USP40: variants seen among roughly 807,000 people sequenced by gnomAD.
The protein encoded by USP40 is ubiquitin carboxyl-terminal hydrolase 40.
Under a neutral mutation model 166.2 loss-of-function variants are expected in USP40, and 143 were observed. The ratio of observed to expected loss-of-function variants is 0.86; its 90% CI spans 0.75 to 0.99. USP40 has a LOEUF of 0.99. Among genes scored for constraint, USP40 ranks in the 50% least tolerant of loss-of-function variants. The pLI is 0.00. For missense variants in USP40, 1,444 were observed against 1,479.7 expected (o/e 0.98, Z 0.40); for synonymous variants, 498 against 524.0 (o/e 0.95, Z 0.68).
Position 233,486,343 on chromosome 2 carries a change from G to A in USP40, c.3198-366C>T, listed in dbSNP as rs1303564226. Among the ~76,000 whole-genome samples, 1 of 152,156 alleles carries A rather than the reference G, an allele frequency of 6.6e-6. No individual in the cohort carries two copies. Among genetic ancestry groups the A allele is most frequent in the Non-Finnish European group, 1.5e-5 (1 of 68,030 alleles). On this transcript the variant is annotated intron_variant, in intron 28 of 31. Coordinates refer to ENST00000678225, the MANE Select transcript of USP40 (RefSeq NM_001365479.2). The surrounding 1 kb of genome is among the most constrained non-coding windows in gnomAD (Gnocchi z 4.0). ...TAGCCCGGCAGCTGGCAGGAGGAGA[G>A]CGGGCTCGAGGTAGGCAGTTATGCC...
chr2:233,550,509 C>T (rs529591159), intron 7 of USP40, among the ~76,000 whole-genome samples: 1 of 149,742 alleles, frequency 6.7e-6, no homozygotes, highest in East Asian at 1.9e-4. Flanking sequence ...AAAAAAAAAA[C>T]CCCAAAAAGC....
At chr2:233,560,312 G>A (rs903003134) in intron 3 of USP40, among the ~76,000 whole-genome samples, 2 of 151,992 alleles carry the variant, frequency 1.3e-5, no homozygotes, top group African/African-American at 2.4e-5. Context: ...ACTGTATCTC[G>A]CTCTGGAGTT....
At chr2:233,561,343 C>T in intron 3 of USP40, 1 of 625,782 alleles carries the variant, frequency 1.6e-6, no homozygotes, top group Non-Finnish European at 2.6e-6. Context: ...GTAACCAAAA[C>T]AGCATGGTAC....
chr2:233,501,409 A>T (rs932300777), intron 21 of USP40, among the ~76,000 whole-genome samples: 9 of 152,252 alleles, frequency 5.9e-5, no homozygotes, highest in Non-Finnish European at 1.3e-4. Flanking sequence ...GGGAAACCAC[A>T]GGAGGGTTGT....
intron 30 of USP40, among the ~76,000 whole-genome samples, chr2:233,483,069 G>C (rs112270916): frequency 1.3e-5 from 2 of 152,072 alleles, no homozygotes; most frequent in African/African-American, 2.4e-5. Context: ...GTGTTACTGC[G>C]TATGTCGCTC....
At position 233,480,502 on chromosome 2, in the gene USP40, T is replaced by C. The variant is rs141634725; in HGVS notation, c.3599+701A>G. On this transcript the variant is annotated intron_variant, in intron 31 of 31. Coordinates refer to ENST00000678225, the MANE Select transcript of USP40 (RefSeq NM_001365479.2). The surrounding 1 kb of genome is among the most constrained non-coding windows in gnomAD (Gnocchi z 4.5). ...GCCTCACGCCCCAGTTCCGGGTGTGTGGCCTGGAGGCCTGAAGACAGCCGG... is the reference window on the plus strand; with the variant it reads ...GCCTCACGCCCCAGTTCCGGGTGTGCGGCCTGGAGGCCTGAAGACAGCCGG... Among the ~76,000 whole-genome samples the C allele has an allele frequency of 0.014, 2,207 of 152,296 alleles. 54 individuals are homozygous for C. Among genetic ancestry groups the C allele is most frequent in the African/African-American group, 0.051 (2,122 of 41,560 alleles).
chr2:233,482,257 G>A (rs2064657945), intron 30 of USP40, among the ~76,000 whole-genome samples: 1 of 152,038 alleles, frequency 6.6e-6, no homozygotes, highest in Non-Finnish European at 1.5e-5. Flanking sequence ...GCTGGGGAAT[G>A]GGAGACTGAG....
Position 233,555,617 on chromosome 2 carries a change from C to T in USP40, c.547-1091G>A, listed in dbSNP as rs141136670. On this transcript the variant is annotated intron_variant, in intron 5 of 31. Coordinates refer to ENST00000678225, the MANE Select transcript of USP40 (RefSeq NM_001365479.2). The stretch of plus-strand genomic sequence containing the variant: ...GACACACGCAACATCTTAATTATTT[C>T]CAAACTTAAAAAATCACTCTTTTTT... Among the ~76,000 whole-genome samples the T allele has an allele frequency of 6.5e-3, 986 of 150,798 alleles. 5 individuals carry two copies. The highest frequency in any genetic ancestry group is 0.016 in the Admixed American group (236 of 15,170).
At chr2:233,558,278 C>CA (rs927943492) in intron 4 of USP40, among the ~76,000 whole-genome samples, 2 of 148,774 alleles carry the variant, frequency 1.3e-5, no homozygotes, top group South Asian at 2.1e-4. Context: ...AGACAAAAAA[C>CA]AAAAAAAATT....
intron 7 of USP40, among the ~76,000 whole-genome samples, chr2:233,551,068 C>A (rs375363387): frequency 1.3e-5 from 2 of 152,326 alleles, no homozygotes; most frequent in East Asian, 1.9e-4. Context: ...GGTTCTCAAA[C>A]AGGGTCAATC....
At chr2:233,495,356 A>G (rs1394399882) in intron 24 of USP40, among the ~76,000 whole-genome samples, 2 of 151,266 alleles carry the variant, frequency 1.3e-5, no homozygotes, top group Non-Finnish European at 2.9e-5. Flanking sequence ...GTCATTGTCT[A>G]TTGTTTGAAA....
rs969624059 is a variant in USP40, at chr2:233,511,647, C to T, written c.2526+62G>A. On this transcript the variant is annotated intron_variant, in intron 20 of 31. Coordinates refer to ENST00000678225, the MANE Select transcript of USP40 (RefSeq NM_001365479.2). ...CAATATTACTGGAGTAGCTAAGGTACTAGTTATAATTCTGGTTATGGAAGG... is the reference window on the plus strand; with the variant it reads ...CAATATTACTGGAGTAGCTAAGGTATTAGTTATAATTCTGGTTATGGAAGG... The T allele has an allele frequency of 4.7e-6, 6 of 1,284,744 alleles. No individual in the cohort carries two copies. In the Admixed American group the frequency reaches 6.4e-5, roughly 14 times the overall value. 79.6% of individuals were successfully genotyped at this position (1,284,744 alleles called of 1,614,324 possible). A position where few individuals can be genotyped will look rare whatever the true frequency, so the allele number is the denominator to read the frequency against.
intron 27 of USP40, among the ~76,000 whole-genome samples, chr2:233,488,533 T>C (rs2065099184): frequency 6.6e-6 from 1 of 152,240 alleles, no homozygotes; most frequent in African/African-American, 2.4e-5. Flanking sequence ...TCTGGGAAGA[T>C]GGCCAAACTG....
chr2:233,496,261 C>T (rs1395384735), intron 24 of USP40, among the ~76,000 whole-genome samples: 1 of 152,196 alleles, frequency 6.6e-6, no homozygotes, highest in African/African-American at 2.4e-5. Flanking sequence ...GAAAGTAGTG[C>T]TATGCGATGC....
At chr2:233,511,966 A>G in intron 19 of USP40, 169 bp from the exon 20 acceptor site, 2 of 559,970 alleles carry the variant, frequency 3.6e-6, no homozygotes, top group Non-Finnish European at 6.2e-6. Context: ...TTTGATTTTC[A>G]ATTTCCATAC....
At chr2:233,506,660 C>T (rs1356590816) in intron 21 of USP40, among the ~76,000 whole-genome samples, 1 of 148,454 alleles carries the variant, frequency 6.7e-6, no homozygotes. Flanking sequence ...TTTGGGAGGC[C>T]GAGATGGGCA....
At chr2:233,508,883 A>C (rs1307037824) in intron 21 of USP40, among the ~76,000 whole-genome samples, 1 of 152,108 alleles carries the variant, frequency 6.6e-6, no homozygotes, top group Non-Finnish European at 1.5e-5. Context: ...GTTTCAATTA[A>C]TTTTTATTAT....
In USP40 at chr2:233,476,767, C is replaced by T. The variant is rs989498252; in HGVS notation, c.*625G>A. On this transcript the variant is annotated 3_prime_UTR_variant, in exon 32 of 32. Transcript: ENST00000678225. ...TAGCAGAGCGACTCACCCTCGGAGGCCACCCTGTGTGGCTCCTCCTCGTGG... is the reference window on the plus strand; with the variant it reads ...TAGCAGAGCGACTCACCCTCGGAGGTCACCCTGTGTGGCTCCTCCTCGTGG... The T allele has an allele frequency of 6.4e-6, 1 of 157,250 alleles. No individual in the cohort carries two copies. 9.7% of individuals were successfully genotyped at this position (157,250 alleles called of 1,614,324 possible). A position where few individuals can be genotyped will look rare whatever the true frequency, so the allele number is the denominator to read the frequency against.
At chr2:233,565,748 G>A (rs1420354371) in intron 1 of USP40, among the ~76,000 whole-genome samples, 175 bp from the exon 2 acceptor site, 1 of 151,938 alleles carries the variant, frequency 6.6e-6, no homozygotes, top group Non-Finnish European at 1.5e-5. Context: ...ATCCCTATCA[G>A]GACCCTAACT....
Sources: gnomAD v4.1 joint callset for allele counts (sites outside exome capture counted in the v4.1 genomes callset) on GRCh38, gnomAD v4.1.1 for gene constraint, Gnocchi (gnomAD v3.1) non-coding constraint, MANE v1.5 for transcripts, NCBI Gene and HGNC (gene_info 2026-07-23, HGNC 2026-07-21) for gene names.